NHS: variants seen among roughly 807,000 people sequenced by gnomAD.
NHS encodes the protein actin remodeling regulator NHS.
NHS carries 5 observed loss-of-function variants against 72.5 expected under a neutral mutation model. The observed-to-expected ratio is 0.07, with a 90% CI of 0.04 to 0.14. The LOEUF (loss-of-function observed/expected upper bound fraction) is 0.14, where lower values mean the gene tolerates loss of function less well. Ranked by LOEUF, NHS falls within the 10% of genes least tolerant of loss-of-function variation. The probability of loss-of-function intolerance (pLI) is 1.00; values close to 1 mark genes in which losing one functional copy is unlikely to be tolerated. For synonymous variants in NHS, 464 were observed against 547.7 expected, an observed-to-expected ratio of 0.85 and a Z score of 2.13; for missense variants, 1,072 against 1,355.7, an observed-to-expected ratio of 0.79 and a Z score of 3.29.
chrX:17,700,146 C>A (rs2066253642), intron 3 of NHS, among the ~76,000 whole-genome samples: 1 of 111,544 alleles, frequency 9.0e-6, no homozygotes, highest in Non-Finnish European at 1.9e-5. Flanking sequence ...TTCAAGCTCA[C>A]TCTCAATTAG....
chrX:17,440,258 TAAAA>T (rs1036618487), intron 1 of NHS, among the ~76,000 whole-genome samples: 12 of 37,304 alleles, frequency 3.2e-4, no homozygotes, highest in East Asian at 3.0e-3. Flanking sequence ...GACTCAGTCT[TAAAA>T]AAAAAAAAAA....
At chrX:17,538,457 GT>G (rs1427413493) in intron 1 of NHS, among the ~76,000 whole-genome samples, 1 of 111,801 alleles carries the variant, frequency 8.9e-6, no homozygotes, top group Non-Finnish European at 1.9e-5. Context: ...GCTTCGTCCT[GT>G]TGGGGACCTC....
intron 1 of NHS, among the ~76,000 whole-genome samples, chrX:17,424,128 C>T (rs1281390466): frequency 8.9e-6 from 1 of 112,110 alleles, no homozygotes; most frequent in Non-Finnish European, 1.9e-5. Flanking sequence ...AACCAGGCCA[C>T]CTTGAGCTGA....
chrX:17,394,071 G>A (rs1036155164), intron 1 of NHS, among the ~76,000 whole-genome samples: 3 of 111,335 alleles, frequency 2.7e-5, no homozygotes, highest in Admixed American at 1.9e-4. Context: ...CATGATTGGA[G>A]AATTGAGGGG....
intron 1 of NHS, among the ~76,000 whole-genome samples, chrX:17,616,772 T>C (rs772946081): frequency 4.2e-4 from 47 of 112,603 alleles, no homozygotes; most frequent in African/African-American, 1.4e-3. Flanking sequence ...AATAACTGGA[T>C]TTAATATCAG....
chrX:17,483,425 A>G (rs2064954929), intron 1 of NHS, among the ~76,000 whole-genome samples: 1 of 112,132 alleles, frequency 8.9e-6, no homozygotes, highest in South Asian at 3.7e-4. Context: ...TATTGGTAAG[A>G]AACTCACAAG....
intron 1 of NHS, among the ~76,000 whole-genome samples, chrX:17,403,293 C>T (rs1486040460): frequency 8.9e-6 from 1 of 112,245 alleles, no homozygotes. Flanking sequence ...TTGGCACATA[C>T]AGTCTACTTA....
At chrX:17,407,008 T>G (rs1014005341) in intron 1 of NHS, among the ~76,000 whole-genome samples, 8 of 111,706 alleles carry the variant, frequency 7.2e-5, no homozygotes, top group Non-Finnish European at 1.1e-4. Flanking sequence ...GAAGAAGGAC[T>G]GGGCCATGTC....
At chrX:17,471,374 G>A (rs1011826890) in intron 1 of NHS, among the ~76,000 whole-genome samples, 2 of 112,536 alleles carry the variant, frequency 1.8e-5, no homozygotes, top group Non-Finnish European at 3.8e-5. Context: ...ATGTCTGGGG[G>A]TCTGTGGTTT....
chrX:17,375,253 C>T lies in NHS; in HGVS notation c.-505C>T, dbSNP rs904267822. Among the ~76,000 whole-genome samples the T allele has an allele frequency of 2.7e-5, 3 of 112,272 alleles. No homozygotes were observed. The highest frequency in any genetic ancestry group is 5.7e-5 in the Non-Finnish European group (3 of 53,064). On this transcript the variant is annotated 5_prime_UTR_variant, in exon 1 of 9. Coordinates refer to ENST00000676302, the MANE Select transcript of NHS (RefSeq NM_001291867.2). ...CCCAGCCAGGGAGAGAGATCCCGGG[C>T]GCAATCGCTCCCCGGAGCGGCCGAG...
In NHS at chrX:17,727,959, T is replaced by A; in HGVS notation, c.3853T>A (p.Leu1285Met). ...QRVSAARPND[L>M]DGKIIQYGPG... ...GGTCTCTGCTGCCCGCCCAAATGAT[T>A]TGGATGGTAAAATAATACAATATGG... The change falls in exon 7 of 9, where the codon TTG becomes ATG. Residue 1285 changes from leucine (L) to methionine (M), a missense_variant. Physicochemically the swap from Leu to Met is conservative, Grantham distance 15 (BLOSUM62 2). Coordinates refer to ENST00000676302, the MANE Select transcript of NHS (RefSeq NM_001291867.2). The A allele has an allele frequency of 8.3e-7, 1 of 1,211,001 alleles. No homozygotes were observed. The highest frequency in any genetic ancestry group is 1.1e-6 in the Non-Finnish European group (1 of 895,355).
Position 17,690,553 on chromosome X carries a change from T to C in NHS, c.719-1782T>C, listed in dbSNP as rs5909283. On this transcript the variant is annotated intron_variant, in intron 2 of 8. Transcript: ENST00000676302. ...TTGGCTGCCTTCAAGATCTGCTTGA[T>C]AGCAAACCCCCCAACAAATTTTATT... Among the ~76,000 whole-genome samples, 613 of 112,251 alleles carry C rather than the reference T, an allele frequency of 5.5e-3. 1 individual carries two copies. Among genetic ancestry groups the C allele is most frequent in the Non-Finnish European group, 9.3e-3 (493 of 53,261 alleles).
At chrX:17,719,580 TAGAC>T (rs1243723066) in intron 4 of NHS, among the ~76,000 whole-genome samples, 174 bp downstream of exon 4, 12 of 111,641 alleles carry the variant, frequency 1.1e-4, no homozygotes, top group Non-Finnish European at 9.4e-5. Flanking sequence ...GAATATAACT[TAGAC>T]AGTCATGCCA....
At chrX:17,386,663 C>CAAAA (rs1184465152) in intron 1 of NHS, among the ~76,000 whole-genome samples, 10 of 38,409 alleles carry the variant, frequency 2.6e-4, no homozygotes, top group African/African-American at 4.5e-4. Flanking sequence ...AACTCTGTCT[C>CAAAA]AAAAAAAAAA....
intron 3 of NHS, chrX:17,705,824 AATC>A (rs749218569): frequency 1.8e-5 from 2 of 112,355 alleles, no homozygotes; most frequent in South Asian, 3.7e-4. Flanking sequence ...GCCTCAATCT[AATC>A]ATGAGAAAAC....
chrX:17,380,216 G>A (rs767404027), intron 1 of NHS, among the ~76,000 whole-genome samples: 21 of 111,689 alleles, frequency 1.9e-4, no homozygotes, highest in Non-Finnish European at 3.2e-4. Context: ...GTGCTTCTGA[G>A]AGGAAGATAA....
At chrX:17,380,451 C>T (rs952894374) in intron 1 of NHS, among the ~76,000 whole-genome samples, 9 of 108,970 alleles carry the variant, frequency 8.3e-5, no homozygotes, top group Non-Finnish European at 1.1e-4. Context: ...CAGCCTTGAC[C>T]GCCCCAGGCT....
At chrX:17,570,137 G>C (rs916070039) in intron 1 of NHS, among the ~76,000 whole-genome samples, 4 of 112,070 alleles carry the variant, frequency 3.6e-5, no homozygotes, top group Non-Finnish European at 7.5e-5. Flanking sequence ...GCCCAGGATT[G>C]TCTTGGCTAT....
At chrX:17,381,514 A>G (rs1337495795) in intron 1 of NHS, among the ~76,000 whole-genome samples, 2 of 111,844 alleles carry the variant, frequency 1.8e-5, no homozygotes, top group African/African-American at 6.5e-5. Flanking sequence ...TATCAATTAG[A>G]TGTTCTTGTT....
Sources: gnomAD v4.1 joint callset for allele counts (sites outside exome capture counted in the v4.1 genomes callset) on GRCh38, gnomAD v4.1.1 for gene constraint, MANE v1.5 for transcripts, NCBI Gene and HGNC (gene_info 2026-07-23, HGNC 2026-07-21) for gene names.